Variants in CSMD3 observed in about 807,000 individuals in gnomAD.
CSMD3 encodes the protein CUB and sushi domain-containing protein 3.
CSMD3 carries 177 observed loss-of-function variants against 435.2 expected under a neutral mutation model. The observed-to-expected ratio is 0.41, with a 90% CI of 0.36 to 0.46. The LOEUF (loss-of-function observed/expected upper bound fraction) is 0.46, where lower values mean the gene tolerates loss of function less well. Ranked by LOEUF, CSMD3 falls within the 20% of genes least tolerant of loss-of-function variation. The pLI, the probability that CSMD3 is intolerant of heterozygous loss-of-function variation, is 0.34. For missense variants in CSMD3, 4,265 were observed against 4,504.6 expected (o/e 0.95, Z 1.52); for synonymous variants, 1,656 against 1,520.5 (o/e 1.09, Z -2.07).
At chr8:113,221,354 TACACACAC>T (rs147263614) in intron 3 of CSMD3, among the ~76,000 whole-genome samples, 2 of 141,912 alleles carry the variant, frequency 1.4e-5, no homozygotes, top group African/African-American at 5.1e-5. Context: ...CAGACACAGT[TACACACAC>T]ACACACACAC....
At chr8:112,552,495 A>C (rs1827772709) in intron 26 of CSMD3, 99 bp downstream of exon 26, 4 of 1,284,850 alleles carry the variant, frequency 3.1e-6, no homozygotes, top group Non-Finnish European at 4.3e-6. Flanking sequence ...AAGAAAAACA[A>C]ACAAACAAAA....
intron 22 of CSMD3, among the ~76,000 whole-genome samples, chr8:112,622,899 T>C (rs990180645): frequency 3.9e-5 from 6 of 152,090 alleles, no homozygotes; most frequent in Non-Finnish European, 7.4e-5. Context: ...TATATCTCCA[T>C]TTTACAAATG....
intron 30 of CSMD3, 145 bp from the exon 31 acceptor site, chr8:112,492,828 T>G (rs1475741916): frequency 4.2e-6 from 3 of 706,688 alleles, no homozygotes; most frequent in South Asian, 1.5e-5. Flanking sequence ...ATATACAGAC[T>G]TTTTTTGTCA....
intron 27 of CSMD3, among the ~76,000 whole-genome samples, chr8:112,537,227 A>G (rs1212417090): frequency 6.6e-6 from 1 of 151,942 alleles, no homozygotes; most frequent in Admixed American, 6.6e-5. Context: ...AAAACACCCC[A>G]AATAAAACCT....
At chr8:113,345,898 C>G (rs1434057754) in intron 1 of CSMD3, among the ~76,000 whole-genome samples, 1 of 151,966 alleles carries the variant, frequency 6.6e-6, no homozygotes, top group Non-Finnish European at 1.5e-5. Flanking sequence ...CTGTCCACAG[C>G]TATGCTATTT....
Position 113,195,145 on chromosome 8 carries a change from AT to A in CSMD3, c.515-21230del, listed in dbSNP as rs573044014. Among the ~76,000 whole-genome samples, 8 of 147,820 alleles carry A rather than the reference AT, an allele frequency of 5.4e-5. No individual in the cohort carries two copies. The East Asian group carries it at 1.2e-3, about 22-fold the overall frequency. On this transcript the variant is annotated intron_variant, in intron 3 of 70. Transcript: ENST00000297405. ...ATCTGCAAAAGCAAGTGATTGAGCT[AT>A]TTTTTTCCTTTCTTTCTTACAAAAA...
At chr8:113,203,414 C>T (rs926501907) in intron 3 of CSMD3, among the ~76,000 whole-genome samples, 1 of 151,784 alleles carries the variant, frequency 6.6e-6, no homozygotes, top group Non-Finnish European at 1.5e-5. Context: ...CTCAAATGAC[C>T]CTCTTGCCTG....
At chr8:112,234,579 T>TA in intron 67 of CSMD3, 102 bp from the exon 68 acceptor site, 1 of 762,410 alleles carries the variant, frequency 1.3e-6, no homozygotes, top group African/African-American at 1.8e-5. Context: ...GATATGTAAT[T>TA]AAAAAAAGAA....
chr8:112,650,096 TA>T, intron 19 of CSMD3, 64 bp downstream of exon 19: 1 of 1,210,180 alleles, frequency 8.3e-7, no homozygotes, highest in Non-Finnish European at 1.2e-6. Flanking sequence ...AAACCCCATA[TA>T]AAAAACTACA....
intron 24 of CSMD3, among the ~76,000 whole-genome samples, chr8:112,568,940 C>T (rs191787793): frequency 6.6e-6 from 1 of 152,178 alleles, no homozygotes; most frequent in Admixed American, 6.6e-5. Flanking sequence ...TGATTTTGTT[C>T]CCAGCTATAA....
chr8:112,349,115 T>C (rs919060065), intron 40 of CSMD3, among the ~76,000 whole-genome samples: 1 of 151,056 alleles, frequency 6.6e-6, no homozygotes, highest in Non-Finnish European at 1.5e-5. Flanking sequence ...TGATATGAGA[T>C]GTGTTCATAA....
intron 1 of CSMD3, among the ~76,000 whole-genome samples, chr8:113,391,424 T>C (rs2094460714): frequency 6.6e-6 from 1 of 152,040 alleles, no homozygotes; most frequent in Non-Finnish European, 1.5e-5. Flanking sequence ...ATATGAGATT[T>C]TGAATACATT....
intron 38 of CSMD3, among the ~76,000 whole-genome samples, chr8:112,372,615 C>T (rs1013040346): frequency 6.6e-6 from 1 of 151,894 alleles, no homozygotes; most frequent in African/African-American, 2.4e-5. Context: ...TTTGGGAGGC[C>T]GAGGAGGGCG....
chr8:112,532,325 C>A (rs1465176033), intron 27 of CSMD3, among the ~76,000 whole-genome samples: 1 of 151,748 alleles, frequency 6.6e-6, no homozygotes, highest in Non-Finnish European at 1.5e-5. Context: ...GAGAACATTC[C>A]AAATTTAGAG....
Position 113,039,086 on chromosome 8 carries a change from T to G in CSMD3, c.918-19907A>C, listed in dbSNP as rs2087485656. On this transcript the variant is annotated intron_variant, in intron 5 of 70. Transcript: ENST00000297405. ...ATAGTGTTCTATGAAATCCTTTGAA[T>G]TACACGTTTACTGAATAAATATTGT... Among the ~76,000 whole-genome samples, 3 of 152,126 alleles carry G rather than the reference T, an allele frequency of 2.0e-5. No individual in the cohort carries two copies. The South Asian group carries it at 6.2e-4, about 31-fold the overall frequency.
At chr8:112,254,190 A>C in intron 63 of CSMD3, 63 bp downstream of exon 63, 1 of 1,113,064 alleles carries the variant, frequency 9.0e-7, no homozygotes. Flanking sequence ...GATTATATGC[A>C]TATGAACCAA....
chr8:112,506,010 G>A (rs1298792682), intron 29 of CSMD3, among the ~76,000 whole-genome samples: 1 of 152,044 alleles, frequency 6.6e-6, no homozygotes, highest in African/African-American at 2.4e-5. Flanking sequence ...CCGTATTGAT[G>A]TTTCCTCAAT....
At chr8:112,492,444 AT>A in intron 31 of CSMD3, 44 bp downstream of exon 31, 2 of 1,485,312 alleles carry the variant, frequency 1.3e-6, no homozygotes, top group Non-Finnish European at 1.9e-6. Flanking sequence ...ATATTTTTTG[AT>A]TTTTTCTAAT....
chr8:112,254,149 GA>G, intron 63 of CSMD3, 103 bp downstream of exon 63: 1 of 844,978 alleles, frequency 1.2e-6, no homozygotes, highest in African/African-American at 1.7e-5. Flanking sequence ...TATAAATGCA[GA>G]TAGAACATGA....
Sources: gnomAD v4.1 joint callset for allele counts (sites outside exome capture counted in the v4.1 genomes callset) on GRCh38, gnomAD v4.1.1 for gene constraint, MANE v1.5 for transcripts, NCBI Gene and HGNC (gene_info 2026-07-23, HGNC 2026-07-21) for gene names.